The following AKAP13 variants were observed in gnomAD, a reference collection of about 807,000 sequenced individuals.
AKAP13 encodes A-kinase anchoring protein 13.
Under a neutral mutation model 264.5 loss-of-function variants are expected in AKAP13, and 80 were observed. The ratio of observed to expected loss-of-function variants is 0.30; its 90% CI spans 0.25 to 0.36. AKAP13 has a LOEUF of 0.36. AKAP13 is among the 10% of genes least tolerant of loss of function. The probability of loss-of-function intolerance (pLI) is 1.00; values close to 1 mark genes in which losing one functional copy is unlikely to be tolerated. For synonymous variants in AKAP13, 1,380 were observed against 1,250.2 expected, an observed-to-expected ratio of 1.10 and a Z score of -2.19; for missense variants, 3,712 against 3,435.2, an observed-to-expected ratio of 1.08 and a Z score of -2.01.
At position 85,498,199 on chromosome 15, in the gene AKAP13, G is replaced by GATAT. The variant is rs59420326; in HGVS notation, c.33+12471_33+12474dup. On this transcript the variant is annotated intron_variant, in intron 2 of 36. Coordinates refer to ENST00000394518, the MANE Select transcript of AKAP13 (RefSeq NM_007200.5). ...TGGTAGTAAGGATTAAATGAAGTGA[G>GATAT]ATATATATATATATATATATATATA... Among the ~76,000 whole-genome samples, 1,312 of 132,982 alleles carry GATAT rather than the reference G, an allele frequency of 9.9e-3. 31 individuals are homozygous for GATAT. Among genetic ancestry groups the GATAT allele is most frequent in the African/African-American group, 0.023 (795 of 34,776 alleles). 87.2% of individuals were successfully genotyped at this position (132,982 alleles called of 152,430 possible).
chr15:85,744,888 T>C lies in AKAP13; in HGVS notation c.*211T>C. On this transcript the variant is annotated 3_prime_UTR_variant, in exon 37 of 37. Coordinates refer to ENST00000394518, the MANE Select transcript of AKAP13 (RefSeq NM_007200.5). ...CCCAGACTCTGCTTCGGCCATGATT[T>C]GTGACTGCCCAGGACTCTCAGGTTG... The C allele has an allele frequency of 2.0e-6, 1 of 511,086 alleles. No homozygotes were observed. The highest frequency in any genetic ancestry group is 3.4e-6 in the Non-Finnish European group (1 of 292,486). 31.7% of individuals were successfully genotyped at this position (511,086 alleles called of 1,614,324 possible). A position where few individuals can be genotyped will look rare whatever the true frequency, so the allele number is the denominator to read the frequency against.
intron 2 of AKAP13, among the ~76,000 whole-genome samples, chr15:85,517,350 C>T (rs1020760950): frequency 6.7e-6 from 1 of 150,054 alleles, no homozygotes; most frequent in African/African-American, 2.5e-5. Context: ...TCCCATCACA[C>T]TTTTTTTTTT....
chr15:85,411,785 CT>C (rs2071983788), intron 1 of AKAP13, among the ~76,000 whole-genome samples: 1 of 152,126 alleles, frequency 6.6e-6, no homozygotes, highest in African/African-American at 2.4e-5. Flanking sequence ...GAAGGGAGGA[CT>C]TTGATAAGCT....
Position 85,399,789 on chromosome 15 carries a change from C to T in AKAP13, c.-12+18991C>T, listed in dbSNP as rs538246989. Among the ~76,000 whole-genome samples, 6 of 151,946 alleles carry T rather than the reference C, an allele frequency of 3.9e-5. No individual in the cohort carries two copies. The South Asian group carries it at 8.3e-4, about 21-fold the overall frequency. On this transcript the variant is annotated intron_variant, in intron 1 of 36. Coordinates refer to ENST00000394518, the MANE Select transcript of AKAP13 (RefSeq NM_007200.5). ...GTTCCTTTGGCTTGTTCTTAGTTGT[C>T]GGTTCAGATTAACTCCAGCAATAAA...
intron 8 of AKAP13, among the ~76,000 whole-genome samples, chr15:85,630,640 C>T (rs2081735270): frequency 6.6e-6 from 1 of 152,060 alleles, no homozygotes; most frequent in South Asian, 2.1e-4. Context: ...TAGAAACATC[C>T]CAGCATGGCG....
At chr15:85,513,272 A>C (rs1215140724) in intron 2 of AKAP13, among the ~76,000 whole-genome samples, 1 of 152,140 alleles carries the variant, frequency 6.6e-6, no homozygotes, top group Non-Finnish European at 1.5e-5. Flanking sequence ...TTAATGATAG[A>C]GCTTTCTTCA....
In AKAP13 at chr15:85,735,280, C is replaced by T. The variant is rs977469060; in HGVS notation, c.7441+130C>T. The T allele has an allele frequency of 7.1e-6, 9 of 1,261,080 alleles. No homozygotes were observed. In the East Asian group the frequency reaches 2.1e-4, roughly 30 times the overall value. The allele number at this position is 1,261,080 out of a possible 1,614,324, so 78.1% of individuals were successfully genotyped here. ...AATTTCTTAGTGAGATTTCAAGACA[C>T]TCAAGAGCTTGTCAGTCAGACTCAT... On this transcript the variant is annotated intron_variant, in intron 31 of 36. Transcript: ENST00000394518.
chr15:85,388,058 A>C (rs1276364033), intron 1 of AKAP13, among the ~76,000 whole-genome samples: 2 of 145,930 alleles, frequency 1.4e-5, no homozygotes, highest in Non-Finnish European at 3.0e-5. Flanking sequence ...TTTTTGAGAT[A>C]GAGACTCGCT....
intron 16 of AKAP13, among the ~76,000 whole-genome samples, chr15:85,692,014 A>C (rs1206894005): frequency 1.3e-5 from 2 of 152,062 alleles, no homozygotes; most frequent in Non-Finnish European, 2.9e-5. Flanking sequence ...TTTTTAAAGG[A>C]AGTGACCCTG....
chr15:85,521,706 A>C, intron 3 of AKAP13, 131 bp downstream of exon 3: 1 of 1,011,782 alleles, frequency 9.9e-7, no homozygotes, highest in Non-Finnish European at 1.4e-6. Context: ...TTTATAAAGC[A>C]GTTTGAATAT....
intron 5 of AKAP13, among the ~76,000 whole-genome samples, chr15:85,560,128 TAAAAAAA>T (rs55715424): frequency 2.2e-4 from 12 of 54,578 alleles, no homozygotes; most frequent in African/African-American, 8.0e-4. Context: ...TGTCTCCACC[TAAAAAAA>T]AAAAAAAAAA....
rs187372240 is a variant in AKAP13, at chr15:85,551,269, A to G, written c.662+7314A>G. Among the ~76,000 whole-genome samples the G allele has an allele frequency of 1.7e-3, 263 of 152,338 alleles. 1 individual carries two copies. The highest frequency in any genetic ancestry group is 3.7e-3 in the Admixed American group (57 of 15,306). ...ATCTCAGGATTGCCTATCTGGCAAC[A>G]TGCTAGAAAATTGCAAAATGTACTT... On this transcript the variant is annotated intron_variant, in intron 5 of 36. Transcript: ENST00000394518.
At chr15:85,439,989 TAA>T (rs529612575) in intron 1 of AKAP13, among the ~76,000 whole-genome samples, 6 of 151,172 alleles carry the variant, frequency 4.0e-5, no homozygotes, top group Admixed American at 6.6e-5. Context: ...ATAATAATAA[TAA>T]TAATAAATAA....
chr15:85,467,075 T>TACACAC (rs3054059), intron 1 of AKAP13, among the ~76,000 whole-genome samples: 8 of 149,388 alleles, frequency 5.4e-5, no homozygotes, highest in Admixed American at 1.3e-4. Flanking sequence ...TTGTATTAAC[T>TACACAC]ACACACACAC....
chr15:85,427,895 A>G (rs2150917638), intron 1 of AKAP13, among the ~76,000 whole-genome samples: 1 of 152,320 alleles, frequency 6.6e-6, no homozygotes, highest in African/African-American at 2.4e-5. Context: ...CCTGTTAGAG[A>G]AGGCAACAAC....
At chr15:85,586,823 A>G (rs1596612772) in intron 8 of AKAP13, among the ~76,000 whole-genome samples, 3 of 151,782 alleles carry the variant, frequency 2.0e-5, no homozygotes, top group African/African-American at 7.3e-5. Flanking sequence ...AGCTACTTGG[A>G]AGGCTGAGGC....
At chr15:85,508,033 C>T (rs1222636103) in intron 2 of AKAP13, among the ~76,000 whole-genome samples, 1 of 152,176 alleles carries the variant, frequency 6.6e-6, no homozygotes, top group African/African-American at 2.4e-5. Flanking sequence ...CCATTTGATG[C>T]CATATCTTTA....
At chr15:85,739,794 TCTCAA>T (rs967314058) in intron 33 of AKAP13, among the ~76,000 whole-genome samples, 3 of 152,232 alleles carry the variant, frequency 2.0e-5, no homozygotes, top group Non-Finnish European at 2.9e-5. Context: ...TGAGCTAAGA[TCTCAA>T]CTCAATTTTT....
intron 2 of AKAP13, among the ~76,000 whole-genome samples, chr15:85,496,376 T>G (rs2075874290): frequency 6.6e-6 from 1 of 152,180 alleles, no homozygotes; most frequent in African/African-American, 2.4e-5. Context: ...TAGATTAACT[T>G]GCTTCTCTGT....
Sources: allele counts gnomAD v4.1 joint callset (sites outside exome capture counted in the v4.1 genomes callset), GRCh38; gene constraint gnomAD v4.1.1; transcripts MANE v1.5; gene names NCBI Gene and HGNC (gene_info 2026-07-23, HGNC 2026-07-21).